NDUFS7: variants seen among roughly 807,000 people sequenced by gnomAD.
NDUFS7 encodes NADH dehydrogenase [ubiquinone] iron-sulfur protein 7, mitochondrial.
NDUFS7 carries 11 observed loss-of-function variants against 31.1 expected under a neutral mutation model. The observed-to-expected ratio is 0.35, with a 90% CI of 0.22 to 0.59. The LOEUF (loss-of-function observed/expected upper bound fraction) is 0.59, where lower values mean the gene tolerates loss of function less well. Ranked by LOEUF, NDUFS7 falls within the 20% of genes least tolerant of loss-of-function variation. The pLI, the probability that NDUFS7 is intolerant of heterozygous loss-of-function variation, is 0.79. For synonymous variants in NDUFS7, 136 were observed against 127.9 expected (o/e 1.06, Z -0.43); for missense variants, 263 against 324.2 (o/e 0.81, Z 1.45).
At chr19:1,389,395 GCA>G (rs2082538459) in intron 4 of NDUFS7, 1 of 461,410 alleles carries the variant, frequency 2.2e-6, no homozygotes, top group Admixed American at 2.3e-5. Context: ...ATGCACACAG[GCA>G]CACTCACTGA....
chr19:1,383,951 G>T lies in NDUFS7; in HGVS notation c.16+9G>T. 6.4e-7 allele frequency: 1 copy of T among 1,569,086 alleles called. No individual in the cohort carries two copies. Among genetic ancestry groups the T allele is most frequent in the African/African-American group, 1.4e-5 (1 of 73,804 alleles). On this transcript the variant is annotated intron_variant, in intron 1 of 7. Transcript: ENST00000233627. The stretch of plus-strand genomic sequence containing the variant: ...GATGGCGGTGCTGTCAGGTGAGCGC[G>T]GCACCGGCGGCGGGTGTGGGGCCGC...
At position 1,389,077 on chromosome 19, in the gene NDUFS7, G is replaced by A. The variant is rs199959713; in HGVS notation, c.228+139G>A. On this transcript the variant is annotated intron_variant, in intron 4 of 7. Coordinates refer to ENST00000233627, the MANE Select transcript of NDUFS7 (RefSeq NM_024407.5). Reference sequence around the variant, plus strand: ...CACACTCACATGCGCACATGTGCATGCAAGCTCACATGTATGGACAGATGT... The same window carrying A: ...CACACTCACATGCGCACATGTGCATACAAGCTCACATGTATGGACAGATGT... 1.4e-5 allele frequency: 11 copies of A among 774,944 alleles called. No homozygotes were observed. The East Asian group carries it at 2.9e-4, about 21-fold the overall frequency. 48.0% of individuals were successfully genotyped at this position (774,944 alleles called of 1,614,324 possible). A position where few individuals can be genotyped will look rare whatever the true frequency, so the allele number is the denominator to read the frequency against.
chr19:1,392,857 C>G (rs1385814943), intron 6 of NDUFS7: 1 of 326,350 alleles, frequency 3.1e-6, no homozygotes, highest in Non-Finnish European at 5.9e-6. Context: ...CAGCGCCTCA[C>G]TGACAGAGCC....
At chr19:1,391,551 A>G (rs915508114) in intron 6 of NDUFS7, among the ~76,000 whole-genome samples, 2 of 146,338 alleles carry the variant, frequency 1.4e-5, no homozygotes, top group African/African-American at 5.1e-5. Context: ...CGGTGGAACC[A>G]TCTCGGCTCA....
chr19:1,394,251 C>A, intron 7 of NDUFS7: 1 of 730,702 alleles, frequency 1.4e-6, no homozygotes, highest in Admixed American at 2.6e-5. Flanking sequence ...CGGTTCAGGT[C>A]ACCCCGGGGG....
intron 6 of NDUFS7, among the ~76,000 whole-genome samples, chr19:1,391,577 C>T: frequency 6.6e-6 from 1 of 151,454 alleles, no homozygotes; most frequent in East Asian, 1.9e-4. Context: ...ACCTCCGCCT[C>T]CCAGGTTCAA....
At chr19:1,395,356 C>T (rs772407772) in intron 7 of NDUFS7, 35 bp from the exon 8 acceptor site, 2 of 1,585,736 alleles carry the variant, frequency 1.3e-6, no homozygotes, top group Non-Finnish European at 1.7e-6. Flanking sequence ...CGGGCTCCGG[C>T]TGCGGGAAGC....
chr19:1,384,162 T>C, intron 1 of NDUFS7: 1 of 555,664 alleles, frequency 1.8e-6, no homozygotes, highest in Non-Finnish European at 3.0e-6. Context: ...GCCCGGTAGG[T>C]CATGACGCAA....
rs4807914 is a variant in NDUFS7, at chr19:1,386,716, C to G, written c.17-1095C>G. 79,366 of 152,058 alleles carry G rather than the reference C, an allele frequency of 0.52. 21,649 individuals carry two copies. Among genetic ancestry groups the G allele is most frequent in the Middle Eastern group, 0.65 (191 of 294 alleles). The allele number at this position is 152,058 out of a possible 1,614,324, so 9.4% of individuals were successfully genotyped here. A position where few individuals can be genotyped will look rare whatever the true frequency, so the allele number is the denominator to read the frequency against. On this transcript the variant is annotated intron_variant, in intron 1 of 7. Coordinates refer to ENST00000233627, the MANE Select transcript of NDUFS7 (RefSeq NM_024407.5). ...TTCACCATGTTGCCCAGGCTGGTCT[C>G]GAACTCCTGACCTCAGGTGATCCAC...
chr19:1,391,144 G>T lies in NDUFS7; in HGVS notation c.434G>T (p.Arg145Leu). 1 of 1,612,648 alleles carries T rather than the reference G, an allele frequency of 6.2e-7. No homozygotes were observed. Among genetic ancestry groups the T allele is most frequent in the Non-Finnish European group, 8.5e-7 (1 of 1,179,650 alleles). The change falls in exon 6 of 8, where the codon CGC becomes CTC. Residue 145 changes from arginine to leucine, a missense_variant. Transcript: ENST00000233627. ...RKVYDQMPEP[R>L]YVVSMGSCAN... ...GTCTACGACCAGATGCCGGAGCCGC[G>T]CTACGTGGTCTCCATGGGGAGGTGA...
At chr19:1,384,094 C>T in intron 1 of NDUFS7, 152 bp downstream of exon 1, 1 of 851,362 alleles carries the variant, frequency 1.2e-6, no homozygotes, top group Non-Finnish European at 1.7e-6. Context: ...GGCTCCCCGC[C>T]CGGCTTGCGA....
intron 2 of NDUFS7, 177 bp downstream of exon 2, chr19:1,388,024 G>T (rs1482476185): frequency 4.3e-6 from 3 of 700,328 alleles, no homozygotes; most frequent in Non-Finnish European, 7.5e-6. Flanking sequence ...CCCTCCCTGG[G>T]ACAGTCCACG....
In NDUFS7 at chr19:1,388,571, G is replaced by A. The variant is rs775626812; in HGVS notation, c.100G>A (p.Val34Met). 25 of 1,612,068 alleles carry A rather than the reference G, an allele frequency of 1.6e-5. No individual in the cohort carries two copies. The highest frequency in any genetic ancestry group is 1.8e-4 in the Middle Eastern group (1 of 5,514). The change falls in exon 3 of 8, where the codon GTG (valine) becomes ATG (methionine). Residue 34 changes from valine (V) to methionine (M), a missense_variant. Physicochemically the swap from Val to Met is conservative, Grantham distance 21. Coordinates refer to ENST00000233627, the MANE Select transcript of NDUFS7 (RefSeq NM_024407.5). ...AVQARGVHQSVATDGPSSTQP... is the reference protein window; with the variant it reads ...AVQARGVHQSMATDGPSSTQP... ...GCAGGCACGAGGTGTCCATCAGAGCGTGGCCACCGATGGCCCAAGCAGGTG... is the reference window on the plus strand; with the variant it reads ...GCAGGCACGAGGTGTCCATCAGAGCATGGCCACCGATGGCCCAAGCAGGTG...
chr19:1,395,292 C>T (rs1052541085), intron 7 of NDUFS7, 99 bp from the exon 8 acceptor site: 7 of 1,503,362 alleles, frequency 4.7e-6, no homozygotes, highest in South Asian at 1.3e-5. Flanking sequence ...CTTCAGAGGC[C>T]GGCCCGGGAA....
intron 1 of NDUFS7, among the ~76,000 whole-genome samples, chr19:1,385,637 G>A (rs2082502837): frequency 6.6e-6 from 1 of 152,176 alleles, no homozygotes; most frequent in South Asian, 2.1e-4. Flanking sequence ...TGATCAACAT[G>A]GAGAAACCCT....
intron 7 of NDUFS7, chr19:1,394,319 T>C (rs2082577515): frequency 7.9e-7 from 1 of 1,271,204 alleles, no homozygotes; most frequent in Non-Finnish European, 1.0e-6. Flanking sequence ...AGGTCCATCC[T>C]GGGGTCAGGA....
Position 1,393,847 on chromosome 19 carries a change from T to C in NDUFS7, c.544+517T>C. 1 of 280,266 alleles carries C rather than the reference T, an allele frequency of 3.6e-6. No individual in the cohort carries two copies. The allele number at this position is 280,266 out of a possible 1,614,324, so 17.4% of individuals were successfully genotyped here. ...TTAGTACGAGTATATCCCAACAATA[T>C]TTGGGCTATACTGACACTAAAAAGA... On this transcript the variant is annotated intron_variant, in intron 7 of 7. Transcript: ENST00000233627. This position sits in a 1 kb window ranked among gnomAD's most constrained non-coding sequence, Gnocchi z 7.3.
Position 1,395,504 on chromosome 19 carries a change from C to A in NDUFS7, c.*16C>A, listed in dbSNP as rs573586959. ...CCGCAGGTAGCGCCGCCGCCGCCGC[C>A]GCCGGAGCCTGTCGCCGTCCTGTCC... On this transcript the variant is annotated 3_prime_UTR_variant, in exon 8 of 8. Transcript: ENST00000233627. The A allele has an allele frequency of 6.4e-7, 1 of 1,563,156 alleles. No individual in the cohort carries two copies. The highest frequency in any genetic ancestry group is 8.7e-7 in the Non-Finnish European group (1 of 1,154,910).
rs1600150335 is a variant in NDUFS7 at position 1,390,948 on chromosome 19, C to T, written c.306C>T (p.Asp102=). Residue 102 remains aspartate, a synonymous_variant, in exon 5 of 8, where the codon GAC becomes GAT. Transcript: ENST00000233627. ...TGCACATGGCAGCACCCCGCTACGA[C>T]ATGGACCGCTTTGGCGTGGTCTTCC... The part of the protein sequence containing the change: ...EMMHMAAPRY[D]MDRFGVVFRA... 6.2e-7 allele frequency: 1 copy of T among 1,612,812 alleles called. No individual in the cohort carries two copies. The highest frequency in any genetic ancestry group is 8.5e-7 in the Non-Finnish European group (1 of 1,179,896).
Sources: gnomAD v4.1 joint callset for allele counts (sites outside exome capture counted in the v4.1 genomes callset) on GRCh38, gnomAD v4.1.1 for gene constraint, Gnocchi (gnomAD v3.1) non-coding constraint, MANE v1.5 for transcripts, NCBI Gene and HGNC (gene_info 2026-07-23, HGNC 2026-07-21) for gene names.